FAM168B: variants seen among roughly 807,000 people sequenced by gnomAD.
The protein encoded by FAM168B is family with sequence similarity 168 member B.
FAM168B carries 19 observed loss-of-function variants against 21.8 expected under a neutral mutation model. The observed-to-expected ratio is 0.87, with a 90% CI of 0.61 to 1.28. The LOEUF is 1.28. Among genes scored for constraint, FAM168B ranks in the 50% most tolerant of loss-of-function variants. The pLI is 0.00. For synonymous variants in FAM168B, 126 were observed against 104.8 expected (o/e 1.20, Z -1.24); for missense variants, 233 against 263.1 (o/e 0.89, Z 0.79).
chr2:131,065,807 GAAAAA>G (rs796177546), intron 3 of FAM168B, among the ~76,000 whole-genome samples: 1 of 94,852 alleles, frequency 1.1e-5, no homozygotes, highest in African/African-American at 3.7e-5. Flanking sequence ...AAGAAAAAAA[GAAAAA>G]AAAAAAAAAG....
intron 2 of FAM168B, among the ~76,000 whole-genome samples, chr2:131,079,402 G>A (rs912956133): frequency 6.6e-6 from 1 of 152,244 alleles, no homozygotes; most frequent in East Asian, 1.9e-4. Flanking sequence ...TTGAACTTGG[G>A]AGGCAGATGT....
chr2:131,057,468 G>A (rs1392635311), intron 3 of FAM168B, among the ~76,000 whole-genome samples: 2 of 152,288 alleles, frequency 1.3e-5, no homozygotes, highest in African/African-American at 2.4e-5. Flanking sequence ...CTACGGTGAC[G>A]GAAATCAGAG....
intron 1 of FAM168B, among the ~76,000 whole-genome samples, chr2:131,086,782 A>ATAGTGTTCTGAGGGCTG (rs1573822542): frequency 6.8e-6 from 1 of 147,552 alleles, no homozygotes; most frequent in Non-Finnish European, 1.5e-5. Flanking sequence ...TCACAAGAGA[A>ATAGTGTTCTGAGGGCTG]AGGCCGGGCG....
At chr2:131,052,869 C>T (rs1691767430) in intron 6 of FAM168B, 22 bp downstream of exon 6, 2 of 1,547,210 alleles carry the variant, frequency 1.3e-6, no homozygotes, top group African/African-American at 2.7e-5. Flanking sequence ...AAAGGCTAGC[C>T]CAGCCTTCCC....
At chr2:131,071,341 C>T (rs1263048067) in intron 3 of FAM168B, among the ~76,000 whole-genome samples, 3 of 152,154 alleles carry the variant, frequency 2.0e-5, no homozygotes, top group Non-Finnish European at 4.4e-5. Flanking sequence ...AGTGCAGGCT[C>T]CTAGCAGGAA....
chr2:131,076,029 C>T (rs1693137195), intron 2 of FAM168B, among the ~76,000 whole-genome samples: 1 of 152,138 alleles, frequency 6.6e-6, no homozygotes, highest in Non-Finnish European at 1.5e-5. Context: ...CGCAGCGTGG[C>T]TCCCCTCACT....
chr2:131,089,892 G>A (rs78926001), intron 1 of FAM168B, among the ~76,000 whole-genome samples: 22,505 of 150,696 alleles, frequency 0.15, 1,840 homozygotes, highest in South Asian at 0.24. Flanking sequence ...ATTAGCCAGC[G>A]GTGGTGGTGC....
chr2:131,060,857 ATTT>A (rs991944492), intron 3 of FAM168B, among the ~76,000 whole-genome samples: 1 of 147,666 alleles, frequency 6.8e-6, no homozygotes, highest in Non-Finnish European at 1.5e-5. Flanking sequence ...TGTATACGTA[ATTT>A]TTTTTTTTTG....
chr2:131,055,750 A>G (rs1246700671), intron 3 of FAM168B, 55 bp from the exon 4 acceptor site: 2 of 1,586,916 alleles, frequency 1.3e-6, no homozygotes, highest in African/African-American at 1.3e-5. Flanking sequence ...AGGCGCAGGG[A>G]GAGGACACAG....
In FAM168B at chr2:131,048,906, A is replaced by G; in HGVS notation, c.*3559T>C. On this transcript the variant is annotated 3_prime_UTR_variant, in exon 7 of 7. Coordinates refer to ENST00000389915, the MANE Select transcript of FAM168B (RefSeq NM_001009993.4). ...TGTCCGGGCAACAGCCAAACTGGCG[A>G]CAATGGACACATCCAACAGTCAGCT... 1.0e-6 allele frequency: 1 copy of G among 986,032 alleles called. No individual in the cohort carries two copies. 61.1% of individuals were successfully genotyped at this position (986,032 alleles called of 1,614,324 possible).
In FAM168B at chr2:131,050,928, C is replaced by A. The variant is rs765475669; in HGVS notation, c.*1537G>T. The A allele has an allele frequency of 4.0e-4, 394 of 985,722 alleles. No individual in the cohort carries two copies. Among genetic ancestry groups the A allele is most frequent in the Non-Finnish European group, 4.6e-4 (379 of 830,150 alleles). The allele number at this position is 985,722 out of a possible 1,614,324, so 61.1% of individuals were successfully genotyped here. A position where few individuals can be genotyped will look rare whatever the true frequency, so the allele number is the denominator to read the frequency against. ...ACCCAGGCCTTACATCCCCCACCCC[C>A]ACTCTGACCCTCACTGAGAACCGAC... On this transcript the variant is annotated 3_prime_UTR_variant, in exon 7 of 7. Transcript: ENST00000389915.
In FAM168B at chr2:131,050,643, AATAAG is replaced by A; in HGVS notation, c.*1817_*1821del. 1 of 984,904 alleles carries A rather than the reference AATAAG, an allele frequency of 1.0e-6. No homozygotes were observed. Among genetic ancestry groups the A allele is most frequent in the Non-Finnish European group, 1.2e-6 (1 of 829,270 alleles). 61.0% of individuals were successfully genotyped at this position (984,904 alleles called of 1,614,324 possible). A position where few individuals can be genotyped will look rare whatever the true frequency, so the allele number is the denominator to read the frequency against. ...AAAAATATTCCTAAACTTCTTATAA[AATAAG>A]ATGTGAAAAAGAAAATTATAAGAAG... On this transcript the variant is annotated 3_prime_UTR_variant, in exon 7 of 7. Coordinates refer to ENST00000389915, the MANE Select transcript of FAM168B (RefSeq NM_001009993.4).
chr2:131,081,363 T>G (rs1238627372), intron 2 of FAM168B, among the ~76,000 whole-genome samples: 17 of 152,202 alleles, frequency 1.1e-4, no homozygotes, highest in Admixed American at 1.1e-3. Context: ...CCACGCAACC[T>G]GGGTTGTGAA....
At chr2:131,058,676 G>C (rs1236613386) in intron 3 of FAM168B, among the ~76,000 whole-genome samples, 1 of 152,154 alleles carries the variant, frequency 6.6e-6, no homozygotes, top group African/African-American at 2.4e-5. Flanking sequence ...AGAATACGCA[G>C]ATTTTCCATT....
chr2:131,092,898 C>T (rs1162408133), intron 1 of FAM168B, among the ~76,000 whole-genome samples: 3 of 152,172 alleles, frequency 2.0e-5, no homozygotes, highest in Non-Finnish European at 4.4e-5. Context: ...AAGCTCTGCC[C>T]CCGGGTTTCA....
intron 2 of FAM168B, among the ~76,000 whole-genome samples, chr2:131,073,478 T>C (rs1014481347): frequency 2.6e-5 from 4 of 152,150 alleles, no homozygotes; most frequent in Admixed American, 1.3e-4. Context: ...ACGTTAAAAT[T>C]TGTCATTTTA....
intron 1 of FAM168B, among the ~76,000 whole-genome samples, chr2:131,092,353 T>C (rs1325319369): frequency 6.6e-6 from 1 of 151,680 alleles, no homozygotes; most frequent in African/African-American, 2.4e-5. Context: ...AAAGCAAAAA[T>C]AACCCACTCC....
intron 3 of FAM168B, among the ~76,000 whole-genome samples, chr2:131,063,075 C>T (rs1692385489): frequency 1.3e-5 from 2 of 152,090 alleles, no homozygotes; most frequent in African/African-American, 4.8e-5. Flanking sequence ...TAAAAGTTGA[C>T]GTTAAAAAGT....
In FAM168B at chr2:131,071,738, G is replaced by A. The variant is rs1253137320; in HGVS notation, c.154+117C>T. 3 of 853,334 alleles carry A rather than the reference G, an allele frequency of 3.5e-6. No individual in the cohort carries two copies. In the African/African-American group the frequency reaches 5.0e-5, roughly 14 times the overall value. The allele number at this position is 853,334 out of a possible 1,614,324, so 52.9% of individuals were successfully genotyped here. ...GCACTTATCAACAGGCTAACTTAAT[G>A]AACTTGAGAAATCGACTCAACCAAG... is the stretch of plus-strand genomic sequence containing the variant. On this transcript the variant is annotated intron_variant, in intron 3 of 6. Coordinates refer to ENST00000389915, the MANE Select transcript of FAM168B (RefSeq NM_001009993.4).
Sources: gnomAD v4.1 joint callset for allele counts (sites outside exome capture counted in the v4.1 genomes callset) on GRCh38, gnomAD v4.1.1 for gene constraint, MANE v1.5 for transcripts, NCBI Gene and HGNC (gene_info 2026-07-23, HGNC 2026-07-21) for gene names.